Variants in NCAM1 observed in about 807,000 individuals in gnomAD.
NCAM1 encodes antigen recognized by monoclonal antibody 5.1H11.
NCAM1 carries 14 observed loss-of-function variants against 109.8 expected under a neutral mutation model. That is an observed-to-expected ratio of 0.13 (90% CI 0.08 to 0.20). The LOEUF is 0.20. Among genes scored for constraint, NCAM1 ranks in the 10% least tolerant of loss-of-function variants. The pLI, the probability that NCAM1 is intolerant of heterozygous loss-of-function variation, is 1.00. For missense variants in NCAM1, 774 were observed against 1,109.9 expected, an observed-to-expected ratio of 0.70 and a Z score of 4.30; for synonymous variants, 418 against 442.9, an observed-to-expected ratio of 0.94 and a Z score of 0.70.
At chr11:113,076,400 T>C (rs1938527441) in intron 1 of NCAM1, among the ~76,000 whole-genome samples, 1 of 152,170 alleles carries the variant, frequency 6.6e-6, no homozygotes, top group Admixed American at 6.5e-5. Flanking sequence ...TGCATAGCCA[T>C]GGCCCCTCTA....
At chr11:113,263,617 G>T in intron 17 of NCAM1, 1 of 985,518 alleles carries the variant, frequency 1.0e-6, no homozygotes, top group Non-Finnish European at 1.2e-6. Flanking sequence ...TGTGAACGGG[G>T]CCAAGCCATG....
rs563786796 is a variant in NCAM1 at position 113,223,579 on chromosome 11, G to A, written c.1089+2254G>A. Among the ~76,000 whole-genome samples, 19 of 152,244 alleles carry A rather than the reference G, an allele frequency of 1.2e-4. No homozygotes were observed. The East Asian group carries it at 1.5e-3, about 12-fold the overall frequency. On this transcript the variant is annotated intron_variant, in intron 9 of 19. Coordinates refer to ENST00000316851, the MANE Select transcript of NCAM1 (RefSeq NM_181351.5). ...GTTGTCGTTAAGGTCCTGTTCTTGC[G>A]TACATTCATTTCTCTGCCTCTTTTG... is the stretch of plus-strand genomic sequence containing the variant.
At chr11:113,070,867 G>C (rs938033431) in intron 1 of NCAM1, among the ~76,000 whole-genome samples, 4 of 152,174 alleles carry the variant, frequency 2.6e-5, no homozygotes, top group Non-Finnish European at 4.4e-5. Context: ...GGAGCTGACT[G>C]GATGCCTCCC....
At chr11:113,207,693 C>A in intron 6 of NCAM1, 140 bp from the exon 7 acceptor site, 1 of 898,190 alleles carries the variant, frequency 1.1e-6, no homozygotes, top group Non-Finnish European at 1.7e-6. Context: ...TGTGGACGTT[C>A]AACTTGGTGC....
At chr11:112,987,388 C>T (rs1951336948) in intron 1 of NCAM1, among the ~76,000 whole-genome samples, 1 of 152,092 alleles carries the variant, frequency 6.6e-6, no homozygotes, top group Non-Finnish European at 1.5e-5. Flanking sequence ...ATGGAATGTT[C>T]TATGTATGTG....
intron 1 of NCAM1, among the ~76,000 whole-genome samples, chr11:112,985,777 A>T (rs932411067): frequency 2.6e-5 from 4 of 151,926 alleles, no homozygotes; most frequent in Admixed American, 1.3e-4. Flanking sequence ...GTTTCACTGA[A>T]TTTGTTTATT....
Position 113,199,985 on chromosome 11 carries a change from G to A in NCAM1, c.53-2394G>A, listed in dbSNP as rs570869564. Among the ~76,000 whole-genome samples the A allele has an allele frequency of 3.0e-4, 45 of 152,218 alleles. No homozygotes were observed. The East Asian group carries it at 3.1e-3, about 10-fold the overall frequency. On this transcript the variant is annotated intron_variant, in intron 1 of 19. Transcript: ENST00000316851. ...GATATGAAAACTCCTCAGCCTTGCC[G>A]TGTTCTCCTGCCCCTTGAGAGTTGT... is the stretch of plus-strand genomic sequence containing the variant.
intron 1 of NCAM1, among the ~76,000 whole-genome samples, chr11:113,043,920 G>T (rs1953169096): frequency 6.6e-6 from 1 of 150,686 alleles, no homozygotes; most frequent in South Asian, 2.1e-4. Context: ...ATGTAAATGT[G>T]CCTAGATGTT....
intron 1 of NCAM1, among the ~76,000 whole-genome samples, chr11:113,038,727 TA>T (rs1230354905): frequency 2.6e-5 from 4 of 152,200 alleles, no homozygotes; most frequent in Non-Finnish European, 5.9e-5. Flanking sequence ...TCCACTGAGT[TA>T]AAATTAGGTT....
chr11:113,202,516 G>A, intron 2 of NCAM1, 63 bp downstream of exon 2: 1 of 1,447,206 alleles, frequency 6.9e-7, no homozygotes, highest in South Asian at 1.3e-5. Flanking sequence ...GGTAGAGCAG[G>A]AGCCCTCAGG....
At chr11:113,111,606 A>C (rs1009628230) in intron 1 of NCAM1, among the ~76,000 whole-genome samples, 6 of 152,192 alleles carry the variant, frequency 3.9e-5, no homozygotes, top group Non-Finnish European at 7.3e-5. Flanking sequence ...GACTGTATAC[A>C]TTTGTTGAAA....
chr11:113,213,773 C>T (rs1944453091), intron 7 of NCAM1, among the ~76,000 whole-genome samples: 1 of 152,220 alleles, frequency 6.6e-6, no homozygotes. Context: ...GGTTTTCCCA[C>T]TTCAAAGTGT....
intron 1 of NCAM1, 51 bp downstream of exon 1, chr11:112,961,715 C>T (rs1306823785): frequency 2.7e-6 from 3 of 1,128,962 alleles, no homozygotes; most frequent in Non-Finnish European, 2.6e-6. Flanking sequence ...ATTACCCCTT[C>T]CTCCTACTCC....
chr11:113,115,522 C>G (rs1940659048), intron 1 of NCAM1, among the ~76,000 whole-genome samples: 2 of 152,150 alleles, frequency 1.3e-5, no homozygotes, highest in African/African-American at 4.8e-5. Context: ...GGCAAGGGTG[C>G]CAGCAGTGTC....
chr11:113,008,806 C>G (rs782018495), intron 1 of NCAM1, among the ~76,000 whole-genome samples: 20 of 152,174 alleles, frequency 1.3e-4, no homozygotes, highest in Non-Finnish European at 2.6e-4. Context: ...TTCTGATCCC[C>G]TGGAGATCAT....
chr11:113,205,908 G>A, intron 4 of NCAM1, 135 bp from the exon 5 acceptor site: 2 of 1,181,826 alleles, frequency 1.7e-6, no homozygotes, highest in Non-Finnish European at 2.4e-6. Flanking sequence ...TCAAAGCCAG[G>A]GACGCATTTT....
At chr11:113,115,618 A>T (rs1555094687) in intron 1 of NCAM1, among the ~76,000 whole-genome samples, 2 of 152,218 alleles carry the variant, frequency 1.3e-5, no homozygotes, top group South Asian at 4.1e-4. Flanking sequence ...GAATTTTCAG[A>T]TTGTTCTAGA....
intron 1 of NCAM1, among the ~76,000 whole-genome samples, chr11:113,163,757 A>G (rs557716207): frequency 6.6e-5 from 10 of 152,262 alleles, no homozygotes; most frequent in East Asian, 5.8e-4. Context: ...TCGAAAGAAG[A>G]AAGTGTCAGG....
intron 17 of NCAM1, chr11:113,264,999 T>C: frequency 1.0e-6 from 1 of 985,290 alleles, no homozygotes; most frequent in Non-Finnish European, 1.2e-6. Flanking sequence ...CACACCCCAC[T>C]CCCCTGTGCC....
Sources: allele counts gnomAD v4.1 joint callset (sites outside exome capture counted in the v4.1 genomes callset), GRCh38; gene constraint gnomAD v4.1.1; transcripts MANE v1.5; gene names NCBI Gene and HGNC (gene_info 2026-07-23, HGNC 2026-07-21).